The following ZMAT4 variants were observed in gnomAD, a reference collection of about 807,000 sequenced individuals.
ZMAT4 encodes zinc finger matrin-type protein 4.
A neutral mutation model predicts 28.7 loss-of-function variants in ZMAT4; 17 were observed. The ratio of observed to expected loss-of-function variants is 0.59; its 90% CI spans 0.41 to 0.89. The LOEUF (loss-of-function observed/expected upper bound fraction) is 0.89. Ranked by LOEUF, ZMAT4 falls within the 40% of genes least tolerant of loss-of-function variation. ZMAT4 has a pLI of 0.00. For synonymous variants in ZMAT4, 117 were observed against 109.2 expected (o/e 1.07, Z -0.44); for missense variants, 240 against 283.8 (o/e 0.85, Z 1.11).
At chr8:40,537,558 T>C (rs946678097) in intron 6 of ZMAT4, among the ~76,000 whole-genome samples, 16 of 152,214 alleles carry the variant, frequency 1.1e-4, no homozygotes. Context: ...ACAAGCCTCC[T>C]CTGCTTATAT....
intron 3 of ZMAT4, among the ~76,000 whole-genome samples, chr8:40,743,232 T>C (rs1484137167): frequency 1.3e-5 from 2 of 152,210 alleles, no homozygotes; most frequent in Non-Finnish European, 2.9e-5. Flanking sequence ...AATTGAGGTC[T>C]TTCCCTACTC....
intron 2 of ZMAT4, among the ~76,000 whole-genome samples, chr8:40,812,358 T>C (rs1428709408): frequency 6.6e-6 from 1 of 152,184 alleles, no homozygotes; most frequent in Non-Finnish European, 1.5e-5. Flanking sequence ...ACCTCTGTGG[T>C]CTTACTCTCC....
intron 2 of ZMAT4, chr8:40,786,610 T>C (rs903360590): frequency 5.6e-6 from 6 of 1,065,616 alleles, no homozygotes; most frequent in Non-Finnish European, 7.4e-6. Flanking sequence ...GGTTATTCTC[T>C]TGTGAAATCT....
intron 4 of ZMAT4, among the ~76,000 whole-genome samples, chr8:40,693,823 ACC>A (rs745437866): frequency 2.0e-4 from 30 of 152,294 alleles, no homozygotes; most frequent in Non-Finnish European, 2.8e-4. Context: ...TCTGCAGGAG[ACC>A]CAGAAGATGC....
chr8:40,623,847 T>C (rs1806283310), intron 5 of ZMAT4, among the ~76,000 whole-genome samples: 1 of 152,204 alleles, frequency 6.6e-6, no homozygotes, highest in African/African-American at 2.4e-5. Flanking sequence ...GCCAATACAG[T>C]GCTGAATTGC....
chr8:40,777,819 G>A (rs191592924), intron 2 of ZMAT4, among the ~76,000 whole-genome samples: 29 of 152,258 alleles, frequency 1.9e-4, no homozygotes, highest in African/African-American at 6.3e-4. Flanking sequence ...AAGGCTCCCA[G>A]GAGCTCCCCC....
chr8:40,734,378 C>CATCG (rs1170768170), intron 3 of ZMAT4, among the ~76,000 whole-genome samples: 5 of 152,310 alleles, frequency 3.3e-5, no homozygotes, highest in Non-Finnish European at 5.9e-5. Context: ...TGTAATGTAT[C>CATCG]ATCGGCACCT....
intron 6 of ZMAT4, among the ~76,000 whole-genome samples, chr8:40,550,648 T>C (rs1450873436): frequency 1.3e-5 from 2 of 152,010 alleles, no homozygotes; most frequent in African/African-American, 4.8e-5. Context: ...GATCTGATGG[T>C]TTTATAAGCA....
chr8:40,750,692 C>T (rs1346517800), intron 3 of ZMAT4, among the ~76,000 whole-genome samples: 2 of 152,024 alleles, frequency 1.3e-5, no homozygotes, highest in African/African-American at 2.4e-5. Context: ...AATCAGACAC[C>T]TGAAAAAAAG....
In ZMAT4 at chr8:40,755,994, T is replaced by A. The variant is rs1812662205; in HGVS notation, c.192+11647A>T. ...CTTCCAGGTGGGAACAGCAGGCCTG[T>A]CCTAACTGGACTATAGAAGTTGCAA... On this transcript the variant is annotated intron_variant, in intron 3 of 6. Coordinates refer to ENST00000297737, the MANE Select transcript of ZMAT4 (RefSeq NM_024645.3). Among the ~76,000 whole-genome samples, 5 of 152,154 alleles carry A rather than the reference T, an allele frequency of 3.3e-5. No homozygotes were observed. The South Asian group carries it at 1.0e-3, about 32-fold the overall frequency.
At chr8:40,715,039 C>T (rs1346050339) in intron 3 of ZMAT4, among the ~76,000 whole-genome samples, 3 of 28,554 alleles carry the variant, frequency 1.1e-4, no homozygotes, top group African/African-American at 4.4e-4. Context: ...CAGAGGGAGA[C>T]TCTGTCTCAA....
chr8:40,655,368 G>A (rs568670982), intron 5 of ZMAT4, among the ~76,000 whole-genome samples: 21 of 151,916 alleles, frequency 1.4e-4, no homozygotes, highest in African/African-American at 4.6e-4. Context: ...TGCTGAAATG[G>A]CAATATTCCT....
intron 5 of ZMAT4, among the ~76,000 whole-genome samples, chr8:40,672,352 G>T (rs547516231): frequency 6.6e-6 from 1 of 152,108 alleles, no homozygotes; most frequent in South Asian, 2.1e-4. Flanking sequence ...CAAAGTGCTG[G>T]GTTACCATAG....
intron 3 of ZMAT4, among the ~76,000 whole-genome samples, chr8:40,725,787 A>G (rs980198708): frequency 6.6e-6 from 1 of 152,224 alleles, no homozygotes; most frequent in African/African-American, 2.4e-5. Flanking sequence ...AGAAAAAAAG[A>G]AAAAACAATC....
At chr8:40,629,951 T>C (rs926735296) in intron 5 of ZMAT4, among the ~76,000 whole-genome samples, 10 of 152,158 alleles carry the variant, frequency 6.6e-5, no homozygotes, top group Non-Finnish European at 1.3e-4. Context: ...CAAATGGTAT[T>C]TCTAGTTGTA....
intron 6 of ZMAT4, among the ~76,000 whole-genome samples, chr8:40,580,298 C>T (rs1237063753): frequency 6.6e-6 from 1 of 152,108 alleles, no homozygotes; most frequent in Non-Finnish European, 1.5e-5. Flanking sequence ...AGGCATGAGC[C>T]ACCGCACCCG....
At chr8:40,872,457 G>A (rs1308582727) in intron 1 of ZMAT4, among the ~76,000 whole-genome samples, 2 of 152,160 alleles carry the variant, frequency 1.3e-5, no homozygotes, top group African/African-American at 4.8e-5. Context: ...CCTGGAGAAG[G>A]AGAGTAAACA....
chr8:40,713,921 C>CAAAAAAA (rs532317102), intron 3 of ZMAT4, among the ~76,000 whole-genome samples: 43 of 49,856 alleles, frequency 8.6e-4, no homozygotes, highest in East Asian at 2.2e-3. Flanking sequence ...AAAACAAAAC[C>CAAAAAAA]AAAAAAAAAA....
rs1805398266 is a variant in ZMAT4, at chr8:40,601,731, GAAA to G, written c.578-20473_578-20471del. 1.5e-4 allele frequency among the ~76,000 whole-genome samples: 8 copies of G among 54,372 alleles called. No homozygotes were observed. In the South Asian group the frequency reaches 4.1e-3, roughly 28 times the overall value. The allele number at this position is 54,372 out of a possible 152,430, so 35.7% of individuals were successfully genotyped here. ...AAAGAAAGAAAGAAAGAAAGAAAGA[GAAA>G]GCAGGCAGGCAGGCAGGCAAAGGTA... On this transcript the variant is annotated intron_variant, in intron 5 of 6. Transcript: ENST00000297737.
Sources: allele counts gnomAD v4.1 joint callset (sites outside exome capture counted in the v4.1 genomes callset), GRCh38; gene constraint gnomAD v4.1.1; transcripts MANE v1.5; gene names NCBI Gene and HGNC (gene_info 2026-07-23, HGNC 2026-07-21).